The following SNAP91 variants were observed in gnomAD, a reference collection of about 807,000 sequenced individuals.
SNAP91 encodes the protein synaptosome associated protein 91.
A neutral mutation model predicts 100.3 loss-of-function variants in SNAP91; 27 were observed. The observed-to-expected ratio is 0.27, with a 90% CI of 0.20 to 0.37. The LOEUF (loss-of-function observed/expected upper bound fraction) is 0.37, where lower values mean the gene tolerates loss of function less well. SNAP91 is among the 10% of genes least tolerant of loss of function. SNAP91 has a pLI of 1.00. For synonymous variants in SNAP91, 404 were observed against 398.6 expected (o/e 1.01, Z -0.16); for missense variants, 986 against 1,123.7 (o/e 0.88, Z 1.75).
chr6:83,678,808 T>C (rs2098946617), intron 2 of SNAP91: 3 of 1,285,696 alleles, frequency 2.3e-6, no homozygotes, highest in African/African-American at 1.5e-5. Context: ...CTCATCTTAC[T>C]TCCTAGGAGG....
At chr6:83,577,278 T>C (rs1041829490) in intron 24 of SNAP91, among the ~76,000 whole-genome samples, 5 of 152,128 alleles carry the variant, frequency 3.3e-5, no homozygotes, top group African/African-American at 1.2e-4. Flanking sequence ...TTACCAAATC[T>C]TGGCATTACA....
chr6:83,575,947 G>A (rs1817989103), intron 25 of SNAP91, 76 bp downstream of exon 25: 5 of 745,438 alleles, frequency 6.7e-6, no homozygotes, highest in Non-Finnish European at 1.1e-5. Flanking sequence ...TTACTCCAAT[G>A]AGTAAAATGG....
intron 8 of SNAP91, among the ~76,000 whole-genome samples, chr6:83,637,910 G>T (rs1212048043): frequency 1.3e-5 from 2 of 152,202 alleles, no homozygotes; most frequent in Non-Finnish European, 2.9e-5. Flanking sequence ...GCCCCTCGGG[G>T]TTAAGCACTG....
intron 2 of SNAP91, among the ~76,000 whole-genome samples, chr6:83,697,325 C>T (rs1448860472): frequency 1.4e-4 from 1 of 7,346 alleles, no homozygotes; most frequent in Non-Finnish European, 2.5e-4. Flanking sequence ...AAAATAGCTG[C>T]ACACACACAC....
intron 26 of SNAP91, among the ~76,000 whole-genome samples, chr6:83,564,856 T>C (rs942916697): frequency 1.3e-5 from 2 of 151,902 alleles, no homozygotes. Context: ...CAATAGTTTT[T>C]AAAAATATGA....
chr6:83,663,648 G>A (rs1043861403), intron 3 of SNAP91, among the ~76,000 whole-genome samples: 2 of 152,074 alleles, frequency 1.3e-5, no homozygotes, highest in African/African-American at 2.4e-5. Context: ...TAGTTCATGA[G>A]GTTTAAGGAA....
At position 83,641,621 on chromosome 6, in the gene SNAP91, A is replaced by C. The variant is rs182916168; in HGVS notation, c.659-419T>G. 3.1e-3 allele frequency among the ~76,000 whole-genome samples: 467 copies of C among 152,352 alleles called. 4 individuals carry two copies. Among genetic ancestry groups the C allele is most frequent in the African/African-American group, 0.011 (449 of 41,584 alleles). On this transcript the variant is annotated intron_variant, in intron 7 of 29. Coordinates refer to ENST00000369694, the MANE Select transcript of SNAP91 (RefSeq NM_001242792.2). Reference sequence around the variant, plus strand: ...AATAAACTAATAATCTATAAATTATAAGACAATAATCAATAAACCTTCCTG... The same window carrying C: ...AATAAACTAATAATCTATAAATTATCAGACAATAATCAATAAACCTTCCTG...
intron 8 of SNAP91, among the ~76,000 whole-genome samples, chr6:83,631,515 A>C (rs1388367213): frequency 2.0e-5 from 3 of 151,962 alleles, no homozygotes; most frequent in Non-Finnish European, 2.9e-5. Flanking sequence ...CAAACTTGGG[A>C]GCTCCAGTGT....
At chr6:83,649,268 G>A (rs932198373) in intron 7 of SNAP91, among the ~76,000 whole-genome samples, 9 of 152,154 alleles carry the variant, frequency 5.9e-5, no homozygotes, top group Non-Finnish European at 7.3e-5. Context: ...GGCCATGCCT[G>A]TAGCCCTCAG....
rs141775742 is a variant in SNAP91, at chr6:83,668,286, T to A, written c.131-2705A>T. On this transcript the variant is annotated intron_variant, in intron 2 of 29. Coordinates refer to ENST00000369694, the MANE Select transcript of SNAP91 (RefSeq NM_001242792.2). ...AGACAGTGTGGCAATTTCTCAAGGA[T>A]CTGGAACCAGAAATACCATTTGACC... Among the ~76,000 whole-genome samples, 1,431 of 152,270 alleles carry A rather than the reference T, an allele frequency of 9.4e-3. 26 individuals are homozygous for A. Among genetic ancestry groups the A allele is most frequent in the African/African-American group, 0.032 (1,337 of 41,552 alleles).
intron 26 of SNAP91, among the ~76,000 whole-genome samples, chr6:83,564,226 T>C (rs1354474319): frequency 6.6e-6 from 1 of 152,080 alleles, no homozygotes; most frequent in Non-Finnish European, 1.5e-5. Context: ...TTTTTCTCTT[T>C]CTTAAATTAT....
intron 2 of SNAP91, among the ~76,000 whole-genome samples, chr6:83,692,513 T>C (rs2099144319): frequency 2.1e-5 from 1 of 47,320 alleles, no homozygotes; most frequent in Non-Finnish European, 3.7e-5. Context: ...AGACTCTGTC[T>C]CAAAAAAAAA....
chr6:83,694,249 G>A (rs2099166405), intron 2 of SNAP91, among the ~76,000 whole-genome samples: 1 of 152,134 alleles, frequency 6.6e-6, no homozygotes, highest in Non-Finnish European at 1.5e-5. Flanking sequence ...TCTTGCCAAT[G>A]GAATACAGGT....
intron 7 of SNAP91, among the ~76,000 whole-genome samples, chr6:83,651,611 A>C (rs149632095): frequency 6.6e-6 from 1 of 152,122 alleles, no homozygotes; most frequent in Non-Finnish European, 1.5e-5. Context: ...AGATGGTTGT[A>C]TGATTCCTAT....
chr6:83,665,682 A>C (rs931363583), intron 2 of SNAP91, 101 bp from the exon 3 acceptor site: 4 of 1,029,082 alleles, frequency 3.9e-6, no homozygotes, highest in Non-Finnish European at 5.5e-6. Flanking sequence ...ATATGACCTT[A>C]AAAGTACTTT....
chr6:83,555,381 G>A (rs2127746744), intron 29 of SNAP91, among the ~76,000 whole-genome samples: 1 of 152,284 alleles, frequency 6.6e-6, no homozygotes, highest in Middle Eastern at 3.4e-3. Flanking sequence ...GGGACCCTGG[G>A]CAAATTCCTT....
intron 24 of SNAP91, 51 bp from the exon 25 acceptor site, chr6:83,576,104 A>G (rs1024483253): frequency 3.6e-5 from 33 of 919,158 alleles, no homozygotes; most frequent in Non-Finnish European, 4.9e-5. Flanking sequence ...CTCAGTTTAT[A>G]TGATATGACA....
intron 2 of SNAP91, among the ~76,000 whole-genome samples, chr6:83,706,972 AG>A (rs2099390235): frequency 6.6e-6 from 1 of 152,234 alleles, no homozygotes; most frequent in Admixed American, 6.5e-5. Flanking sequence ...CTGTTAATTA[AG>A]GTATTTCAGA....
intron 2 of SNAP91, among the ~76,000 whole-genome samples, chr6:83,680,729 G>C (rs1587221790): frequency 6.6e-6 from 1 of 152,252 alleles, no homozygotes; most frequent in East Asian, 1.9e-4. Flanking sequence ...GGGATGTCTT[G>C]TGTATTGAGG....
Sources: gnomAD v4.1 joint callset for allele counts (sites outside exome capture counted in the v4.1 genomes callset) on GRCh38, gnomAD v4.1.1 for gene constraint, MANE v1.5 for transcripts, NCBI Gene and HGNC (gene_info 2026-07-23, HGNC 2026-07-21) for gene names.